Variants in C4orf50 observed in about 807,000 individuals in gnomAD.
C4orf50 encodes the protein uncharacterized protein C4orf50.
C4orf50 carries 80 observed loss-of-function variants against 77.2 expected under a neutral mutation model. The observed-to-expected ratio is 1.04, with a 90% CI of 0.87 to 1.25. The LOEUF (loss-of-function observed/expected upper bound fraction) is 1.25. Ranked by LOEUF, C4orf50 falls within the 50% of genes most tolerant of loss-of-function variation. C4orf50 has a pLI of 0.00. For synonymous variants in C4orf50, 532 were observed against 465.3 expected, an observed-to-expected ratio of 1.14 and a Z score of -1.84; for missense variants, 1,257 against 1,152.9, an observed-to-expected ratio of 1.09 and a Z score of -1.31.
intron 7 of C4orf50, chr4:5,902,746 G>A (rs1382483912): frequency 6.6e-6 from 1 of 152,110 alleles, no homozygotes; most frequent in Non-Finnish European, 1.5e-5. Flanking sequence ...GCATTCAATG[G>A]TCAATGCACA....
In C4orf50 at chr4:5,914,297, C is replaced by T. The variant is rs369622729; in HGVS notation, c.*2475-16109G>A. Among the ~76,000 whole-genome samples, 1,372 of 150,622 alleles carry T rather than the reference C, an allele frequency of 9.1e-3. 12 individuals are homozygous for T. The highest frequency in any genetic ancestry group is 0.042 in the South Asian group (198 of 4,716). Reference sequence around the variant, plus strand: ...TCGGCTCACTGCAACCTCTGCCTCCCGGGTTCATGCCATTCTCCCGCCTCA... The same window carrying T: ...TCGGCTCACTGCAACCTCTGCCTCCTGGGTTCATGCCATTCTCCCGCCTCA... On this transcript the variant is annotated intron_variant, in intron 7 of 7. Transcript: ENST00000324058.
downstream of C4orf50, among the ~76,000 whole-genome samples, chr4:5,954,950 G>A (rs1330668892): frequency 6.6e-6 from 1 of 152,064 alleles, no homozygotes; most frequent in Non-Finnish European, 1.5e-5. This position sits in a 1 kb window ranked among gnomAD's most constrained non-coding sequence, Gnocchi z 4.7. Context: ...CCTCTGGACA[G>A]GCTCGTTACA....
intron 7 of C4orf50, among the ~76,000 whole-genome samples, chr4:5,934,428 T>C (rs1203472342): frequency 6.6e-6 from 1 of 152,214 alleles, no homozygotes; most frequent in Non-Finnish European, 1.5e-5. Flanking sequence ...AAAAGGACTT[T>C]GTGTGGCTTG....
intron 7 of C4orf50, among the ~76,000 whole-genome samples, chr4:5,918,537 T>C (rs1445303544): frequency 1.3e-5 from 2 of 152,180 alleles, no homozygotes; most frequent in African/African-American, 2.4e-5. Flanking sequence ...CCAGCCACAG[T>C]GGCTGCAGCC....
At chr4:5,994,240 C>T (rs753015) in intron 26 of C4orf50, 107 bp downstream of exon 4, 38,076 of 396,970 alleles carry the variant, frequency 0.096, 2,140 homozygotes, top group Non-Finnish European at 0.12. Flanking sequence ...GGAGGGGGGA[C>T]CACCCCCTCT....
At chr4:5,989,771 T>C (rs1721147246) in exon 28 of C4orf50, 4 of 1,528,714 alleles carry the variant, frequency 2.6e-6, no homozygotes, top group Non-Finnish European at 3.5e-6. Context: ...AAGAAAAGCA[T>C]TTCCTTGCTC....
chr4:5,984,911 C>T (rs1195247322), intron 28 of C4orf50, among the ~76,000 whole-genome samples: 1 of 150,666 alleles, frequency 6.6e-6, no homozygotes, highest in Admixed American at 6.6e-5. Context: ...AAAACCATAT[C>T]TAGGCACATT....
intron 24 of C4orf50, among the ~76,000 whole-genome samples, chr4:6,010,917 A>C (rs1253387299): frequency 1.3e-5 from 2 of 152,248 alleles, no homozygotes; most frequent in East Asian, 1.9e-4. Flanking sequence ...CCCACACAAC[A>C]ATCTGAGGGG....
intron 7 of C4orf50, chr4:5,903,445 A>G (rs1179391725): frequency 1.3e-5 from 2 of 152,220 alleles, no homozygotes; most frequent in Non-Finnish European, 2.9e-5. Flanking sequence ...ACATCCACAC[A>G]TTGGAATATT....
intron 7 of C4orf50, among the ~76,000 whole-genome samples, chr4:5,935,384 C>T (rs1172795250): frequency 6.6e-6 from 1 of 152,176 alleles, no homozygotes; most frequent in Non-Finnish European, 1.5e-5. Context: ...AAAAAGCCAT[C>T]CTTAAGAAGA....
At chr4:5,976,694 A>C (rs1209344322) in intron 29 of C4orf50, among the ~76,000 whole-genome samples, 1 of 152,246 alleles carries the variant, frequency 6.6e-6, no homozygotes, top group Non-Finnish European at 1.5e-5. Flanking sequence ...AAGGGGGCTC[A>C]TAGGAGTGCC....
rs750083659 is a variant in C4orf50 at position 5,905,693 on chromosome 4, G to C, written c.*2475-7505C>G. Among the ~76,000 whole-genome samples, 43 of 152,222 alleles carry C rather than the reference G, an allele frequency of 2.8e-4. No individual in the cohort carries two copies. Among genetic ancestry groups the C allele is most frequent in the Non-Finnish European group, 2.9e-5 (2 of 68,046 alleles). On this transcript the variant is annotated intron_variant, in intron 7 of 7. Transcript: ENST00000324058. The surrounding 1 kb of genome is among the most constrained non-coding windows in gnomAD (Gnocchi z 5.4). ...TTTATTTGGGGTGCTTCAGACCCTT[G>C]ACATGATATGGAAATTTTATGTTAC...
intron 7 of C4orf50, chr4:5,902,206 A>T: frequency 6.6e-6 from 1 of 152,200 alleles, no homozygotes; most frequent in East Asian, 1.9e-4. Context: ...TTAACCTAGA[A>T]AACAGATCTC....
At position 5,908,664 on chromosome 4, in the gene C4orf50, A is replaced by C. The variant is rs1272764612; in HGVS notation, c.*2475-10476T>G. Reference sequence around the variant, plus strand: ...TAGTTCCAGACCTTTGTGAAGACAAAAGCTCCTCAATGAGAGAACACCATC... The same window carrying C: ...TAGTTCCAGACCTTTGTGAAGACAACAGCTCCTCAATGAGAGAACACCATC... On this transcript the variant is annotated intron_variant, in intron 7 of 7. Coordinates refer to the C4orf50 transcript ENST00000324058. The surrounding 1 kb of genome is among the most constrained non-coding windows in gnomAD (Gnocchi z 5.6). 6.6e-6 allele frequency among the ~76,000 whole-genome samples: 1 copy of C among 152,086 alleles called. No homozygotes were observed. The highest frequency in any genetic ancestry group is 1.5e-5 in the Non-Finnish European group (1 of 68,012).
At chr4:5,976,455 CGGAAAAA>C (rs1406662648) in intron 29 of C4orf50, among the ~76,000 whole-genome samples, 4 of 76,050 alleles carry the variant, frequency 5.3e-5, no homozygotes, top group Non-Finnish European at 7.2e-5. Context: ...GGCTCTGTCT[CGGAAAAA>C]AAAAAAAAAA....
chr4:6,015,828 A>G lies in C4orf50; in HGVS notation c.287+2317T>C, dbSNP rs1042861712. ...CATGCAATCCCACACTGGCGGCCAC[A>G]CTGCCATCCCTAGACTCAACCCTCT... On this transcript the variant is annotated intron_variant, in intron 23 of 33. Transcript: ENST00000531445. This position sits in a 1 kb window ranked among gnomAD's most constrained non-coding sequence, Gnocchi z 4.4. Among the ~76,000 whole-genome samples, 3 of 152,158 alleles carry G rather than the reference A, an allele frequency of 2.0e-5. No individual in the cohort carries two copies. The highest frequency in any genetic ancestry group is 6.5e-5 in the Admixed American group (1 of 15,278).
At chr4:5,917,507 G>A (rs770637007) in intron 7 of C4orf50, among the ~76,000 whole-genome samples, 13 of 147,720 alleles carry the variant, frequency 8.8e-5, no homozygotes, top group Non-Finnish European at 1.6e-4. Flanking sequence ...TTTGCCTTCC[G>A]GGTTCAAGCG....
intron 28 of C4orf50, 84 bp from the exon 7 acceptor site, chr4:5,980,422 C>A: frequency 7.9e-7 from 1 of 1,259,852 alleles, no homozygotes; most frequent in Non-Finnish European, 1.1e-6. Flanking sequence ...CCCGTTTCCC[C>A]ACTCCGTAGT....
intron 7 of C4orf50, among the ~76,000 whole-genome samples, chr4:5,943,551 T>A (rs1320678422): frequency 6.6e-6 from 1 of 152,180 alleles, no homozygotes; most frequent in Non-Finnish European, 1.5e-5. Context: ...TGTGCCTCAG[T>A]TTCCTTATCT....
Sources: allele counts gnomAD v4.1 joint callset (sites outside exome capture counted in the v4.1 genomes callset), GRCh38; gene constraint gnomAD v4.1.1; non-coding constraint Gnocchi (gnomAD v3.1); transcripts MANE v1.5; gene names NCBI Gene and HGNC (gene_info 2026-07-23, HGNC 2026-07-21).